Variants in TTYH3 observed in about 807,000 individuals in gnomAD.
TTYH3 encodes protein tweety homolog 3.
Under a neutral mutation model 68.2 loss-of-function variants are expected in TTYH3, and 23 were observed. The ratio of observed to expected loss-of-function variants is 0.34; its 90% confidence interval spans 0.24 to 0.48. TTYH3 has a LOEUF of 0.48. Among genes scored for constraint, TTYH3 ranks in the 20% least tolerant of loss-of-function variants. The pLI is 0.99. For missense variants in TTYH3, 768 were observed against 727.7 expected (o/e 1.06, Z -0.64); for synonymous variants, 360 against 332.8 (o/e 1.08, Z -0.89).
intron 1 of TTYH3, among the ~76,000 whole-genome samples, chr7:2,639,077 G>A (rs1785759000): frequency 6.6e-6 from 1 of 152,170 alleles, no homozygotes; most frequent in South Asian, 2.1e-4. Context: ...GCACTGGGGT[G>A]TGGGACCCCA....
At chr7:2,643,974 G>A (rs1214985311) in intron 1 of TTYH3, among the ~76,000 whole-genome samples, 1 of 152,144 alleles carries the variant, frequency 6.6e-6, no homozygotes, top group Non-Finnish European at 1.5e-5. Flanking sequence ...GCACAGGGTC[G>A]GGGGAGCGAG....
intron 3 of TTYH3, 36 bp from the exon 4 acceptor site, chr7:2,647,382 C>G: frequency 6.8e-7 from 1 of 1,462,482 alleles, no homozygotes; most frequent in Non-Finnish European, 9.0e-7. Flanking sequence ...GCGAGGCGGG[C>G]GCGCTCCCAG....
At chr7:2,639,314 A>G (rs1395742230) in intron 1 of TTYH3, among the ~76,000 whole-genome samples, 1 of 152,172 alleles carries the variant, frequency 6.6e-6, no homozygotes, top group Non-Finnish European at 1.5e-5. Flanking sequence ...GGCATGCAGG[A>G]GACGTTTGCC....
At position 2,647,157 on chromosome 7, in the gene TTYH3, G is replaced by T. The variant is rs1314173282; in HGVS notation, c.309G>T (p.Val103=). Residue 103 remains valine (V), a synonymous_variant, in exon 3 of 14, where the codon GTG becomes GTT. Transcript: ENST00000258796. ...CCCTCTCCAGCGCCGGCATCGCAGTGGGATTCTACGGCAACGGGGAGACCA... is the reference window on the plus strand; with the variant it reads ...CCCTCTCCAGCGCCGGCATCGCAGTTGGATTCTACGGCAACGGGGAGACCA... ...ATLVCSAGIA[V]GFYGNGETSD... The T allele has an allele frequency of 6.2e-6, 10 of 1,605,354 alleles. No individual in the cohort carries two copies. The highest frequency in any genetic ancestry group is 1.3e-5 in the African/African-American group (1 of 74,838).
At chr7:2,655,995 C>G (rs1786322152) in intron 9 of TTYH3, 97 bp from the exon 10 acceptor site, 1 of 969,614 alleles carries the variant, frequency 1.0e-6, no homozygotes, top group Non-Finnish European at 1.5e-6. Context: ...AGATTATGGG[C>G]TGGAGGGAGA....
At chr7:2,647,314 G>T in intron 3 of TTYH3, 61 bp downstream of exon 3, 2 of 1,523,368 alleles carry the variant, frequency 1.3e-6, no homozygotes, top group East Asian at 2.4e-5. Context: ...CCACGTCTGC[G>T]CGAGGACGGG....
Position 2,663,520 on chromosome 7 carries a change from C to G in TTYH3, c.*1781C>G, listed in dbSNP as rs965961094. On this transcript the variant is annotated 3_prime_UTR_variant, in exon 14 of 14. Transcript: ENST00000258796. Reference sequence around the variant, plus strand: ...CATGACCAAACCTCAGTGGAGGGGCCTCTGCTTCAGGCCCCGCCTGGCTGA... The same window carrying G: ...CATGACCAAACCTCAGTGGAGGGGCGTCTGCTTCAGGCCCCGCCTGGCTGA... The G allele has an allele frequency of 2.0e-5, 3 of 152,530 alleles. No individual in the cohort carries two copies. Among genetic ancestry groups the G allele is most frequent in the Non-Finnish European group, 4.4e-5 (3 of 68,100 alleles). The allele number at this position is 152,530 out of a possible 1,614,324, so 9.4% of individuals were successfully genotyped here.
rs367906936 is a variant in TTYH3 at position 2,656,175 on chromosome 7, C to T, written c.1104C>T (p.Ser368=). The T allele has an allele frequency of 1.0e-5, 16 of 1,566,904 alleles. No homozygotes were observed. Among genetic ancestry groups the T allele is most frequent in the African/African-American group, 1.4e-5 (1 of 73,822 alleles). The part of the protein sequence containing the change: ...QHLTALVDCR[S]LHLDYVQALT... ...TCACCGCCCTGGTGGACTGCCGCAG[C>T]CTGCATCTGGTGAGAGGCAGGGCCT... is the stretch of plus-strand genomic sequence containing the variant. The change falls in exon 10 of 14, where the codon AGC becomes AGT. Residue 368 remains serine (S), a synonymous_variant. Transcript: ENST00000258796.
chr7:2,659,042 G>A (rs777347237), intron 13 of TTYH3, 27 bp downstream of exon 13: 26 of 1,608,342 alleles, frequency 1.6e-5, no homozygotes, highest in Non-Finnish European at 2.2e-5. Context: ...GAGGGTGGAT[G>A]GGGGGCTGCT....
At position 2,647,410 on chromosome 7, in the gene TTYH3, C is replaced by G; in HGVS notation, c.406-8C>G. On this transcript the variant is annotated splice_region_variant and splice_polypyrimidine_tract_variant and intron_variant, in intron 3 of 13. Coordinates refer to ENST00000258796, the MANE Select transcript of TTYH3 (RefSeq NM_025250.3). ...GCTCCCAGCCTCACGCCCGCGGGTCCGGCGCAGGTGTGGGACACGGCGGTG... is the reference window on the plus strand; with the variant it reads ...GCTCCCAGCCTCACGCCCGCGGGTCGGGCGCAGGTGTGGGACACGGCGGTG... 1 of 1,485,762 alleles carries G rather than the reference C, an allele frequency of 6.7e-7. No homozygotes were observed. The highest frequency in any genetic ancestry group is 8.9e-7 in the Non-Finnish European group (1 of 1,122,586). The allele number at this position is 1,485,762 out of a possible 1,614,324, so 92.0% of individuals were successfully genotyped here.
At chr7:2,638,293 G>T (rs760651540) in intron 1 of TTYH3, among the ~76,000 whole-genome samples, 17 of 152,142 alleles carry the variant, frequency 1.1e-4, no homozygotes, top group Admixed American at 6.5e-4. Context: ...GAGATGTGTC[G>T]GAGCACGGGG....
At chr7:2,632,368 C>T in intron 1 of TTYH3, 90 bp downstream of exon 1, 1 of 1,307,530 alleles carries the variant, frequency 7.6e-7, no homozygotes, top group Non-Finnish European at 1.0e-6. Flanking sequence ...CCCCGAGGGC[C>T]TAAAGACCCC....
At chr7:2,637,040 C>G (rs1785695939) in intron 1 of TTYH3, among the ~76,000 whole-genome samples, 1 of 152,128 alleles carries the variant, frequency 6.6e-6, no homozygotes. Context: ...GCTCAGGGTG[C>G]TGGCTCCCTG....
chr7:2,655,983 G>A (rs2286690), intron 9 of TTYH3, 109 bp from the exon 10 acceptor site: 116,606 of 867,588 alleles, frequency 0.13, 8,214 homozygotes, highest in Middle Eastern at 0.17. Context: ...TATCTCAGTC[G>A]AAGATTATGG....
intron 11 of TTYH3, among the ~76,000 whole-genome samples, chr7:2,657,936 G>C (rs1388807922): frequency 1.3e-5 from 2 of 152,310 alleles, no homozygotes; most frequent in East Asian, 3.9e-4. Flanking sequence ...AGAGCCAAGA[G>C]GCACCCCAGC....
At chr7:2,651,222 G>A (rs1433849887) in intron 7 of TTYH3, among the ~76,000 whole-genome samples, 1 of 152,156 alleles carries the variant, frequency 6.6e-6, no homozygotes, top group Non-Finnish European at 1.5e-5. Flanking sequence ...TCCCTGTGGG[G>A]GTGAGGGTTA....
Position 2,656,494 on chromosome 7 carries a change from T to C in TTYH3, c.1210T>C (p.Ser404Pro). ...FSFVTALMFS[S>P]IVCSVPHTWQ... ...CTTCGTCACAGCCCTCATGTTCAGCTCCATCGTCTGCAGCGTCCCGCACAC... is the reference window on the plus strand; with the variant it reads ...CTTCGTCACAGCCCTCATGTTCAGCCCCATCGTCTGCAGCGTCCCGCACAC... The change falls in exon 11 of 14, where the codon TCC becomes CCC. Residue 404 changes from serine to proline, a missense_variant. Coordinates refer to ENST00000258796, the MANE Select transcript of TTYH3 (RefSeq NM_025250.3). 1 of 1,610,568 alleles carries C rather than the reference T, an allele frequency of 6.2e-7. No individual in the cohort carries two copies. Among genetic ancestry groups the C allele is most frequent in the Non-Finnish European group, 8.5e-7 (1 of 1,179,092 alleles).
intron 5 of TTYH3, among the ~76,000 whole-genome samples, chr7:2,648,760 G>C (rs545829217): frequency 6.6e-6 from 1 of 151,898 alleles, no homozygotes; most frequent in Admixed American, 6.5e-5. Context: ...GGGTGGTGGG[G>C]GGGGGTGCAG....
At chr7:2,632,681 C>T (rs941161485) in intron 1 of TTYH3, among the ~76,000 whole-genome samples, 4 of 152,238 alleles carry the variant, frequency 2.6e-5, no homozygotes, top group African/African-American at 9.6e-5. Context: ...TGTGTCCCAG[C>T]AGAGACCCCT....
Sources: allele counts gnomAD v4.1 joint callset (sites outside exome capture counted in the v4.1 genomes callset), GRCh38; gene constraint gnomAD v4.1.1; transcripts MANE v1.5; gene names NCBI Gene and HGNC (gene_info 2026-07-23, HGNC 2026-07-21).